The following SARNP variants were observed in gnomAD, a reference collection of about 807,000 sequenced individuals.
SARNP encodes SAP domain containing ribonucleoprotein.
SARNP carries 5 observed loss-of-function variants against 38.1 expected under a neutral mutation model. The observed-to-expected ratio is 0.13, with a 90% CI of 0.07 to 0.28. The LOEUF is 0.28. Among genes scored for constraint, SARNP ranks in the 10% least tolerant of loss-of-function variants. The pLI, the probability that SARNP is intolerant of heterozygous loss-of-function variation, is 1.00. For synonymous variants in SARNP, 84 were observed against 80.6 expected (o/e 1.04, Z -0.23); for missense variants, 180 against 243.9 (o/e 0.74, Z 1.75).
In SARNP at chr12:55,812,758, A is replaced by C. The variant is rs116274521; in HGVS notation, c.36+4908T>G. ...TTCTACTACATCCTAAATGTCTTTC[A>C]AATTCATTCCCATTCTTTTGAAGTC... On this transcript the variant is annotated intron_variant, in intron 1 of 10. Transcript: ENST00000336133. Among the ~76,000 whole-genome samples the C allele has an allele frequency of 3.2e-3, 483 of 152,352 alleles. 1 individual carries two copies. Among genetic ancestry groups the C allele is most frequent in the African/African-American group, 0.011 (447 of 41,576 alleles).
intron 1 of SARNP, among the ~76,000 whole-genome samples, chr12:55,811,002 G>A (rs1003490276): frequency 7.3e-5 from 11 of 151,652 alleles, no homozygotes; most frequent in Admixed American, 5.9e-4. Context: ...GCTTGAGCCC[G>A]GGAGGCAGAG....
chr12:55,770,135 C>G (rs1038036485), intron 9 of SARNP, among the ~76,000 whole-genome samples: 10 of 152,036 alleles, frequency 6.6e-5, no homozygotes, highest in African/African-American at 2.4e-4. Context: ...TAAGAACGTA[C>G]TCCTCTATAA....
At chr12:55,815,688 T>A (rs1454278311) in intron 1 of SARNP, among the ~76,000 whole-genome samples, 5 of 152,206 alleles carry the variant, frequency 3.3e-5, no homozygotes, top group East Asian at 1.9e-4. Context: ...GGTCTCGAAC[T>A]CCTGGCCTCA....
At chr12:55,789,602 C>T (rs1879603789) in intron 8 of SARNP, among the ~76,000 whole-genome samples, 1 of 152,142 alleles carries the variant, frequency 6.6e-6, no homozygotes, top group Non-Finnish European at 1.5e-5. Flanking sequence ...GATTCTCTTC[C>T]CTCCTCTTTC....
chr12:55,773,927 C>T (rs1380962285), intron 9 of SARNP, among the ~76,000 whole-genome samples: 4 of 152,026 alleles, frequency 2.6e-5, no homozygotes, highest in African/African-American at 7.2e-5. Flanking sequence ...AGGCTGGTCC[C>T]GAACTCCTGA....
At chr12:55,802,625 T>TTA (rs1357024255) in intron 2 of SARNP, among the ~76,000 whole-genome samples, 4 of 151,730 alleles carry the variant, frequency 2.6e-5, no homozygotes, top group Non-Finnish European at 4.4e-5. Flanking sequence ...AGATATCTCA[T>TTA]TATATATATA....
At chr12:55,812,762 T>C (rs1190872804) in intron 1 of SARNP, among the ~76,000 whole-genome samples, 1 of 152,264 alleles carries the variant, frequency 6.6e-6, no homozygotes, top group African/African-American at 2.4e-5. Context: ...TCTTTCAAAT[T>C]CATTCCCATT....
intron 9 of SARNP, 92 bp downstream of exon 9, chr12:55,788,983 C>T (rs780937025): frequency 9.8e-5 from 79 of 804,482 alleles, no homozygotes; most frequent in Non-Finnish European, 1.5e-4. Flanking sequence ...TTGTAGCCAG[C>T]TACATTCTCA....
At chr12:55,786,974 T>C (rs1565677076) in intron 9 of SARNP, among the ~76,000 whole-genome samples, 1 of 151,998 alleles carries the variant, frequency 6.6e-6, no homozygotes, top group South Asian at 2.1e-4. Flanking sequence ...CTCACACCTA[T>C]AGTCCGGCAC....
intron 9 of SARNP, among the ~76,000 whole-genome samples, chr12:55,787,392 T>C (rs996430686): frequency 2.0e-5 from 3 of 152,246 alleles, no homozygotes; most frequent in Non-Finnish European, 1.5e-5. Flanking sequence ...TTTCTTCCAA[T>C]GGCTTTCTAG....
At chr12:55,808,728 T>G (rs1008727576) in intron 1 of SARNP, among the ~76,000 whole-genome samples, 5 of 151,336 alleles carry the variant, frequency 3.3e-5, no homozygotes, top group Non-Finnish European at 7.4e-5. Context: ...ACCACTGTAC[T>G]CCAGCCTGGG....
intron 9 of SARNP, among the ~76,000 whole-genome samples, chr12:55,781,529 G>A (rs1414660650): frequency 3.0e-5 from 4 of 132,098 alleles, no homozygotes; most frequent in South Asian, 2.4e-4. Flanking sequence ...GCGAAACTCC[G>A]TCTCAAAAAA....
chr12:55,767,877 T>TACAC (rs900157714), intron 9 of SARNP, among the ~76,000 whole-genome samples: 3 of 127,506 alleles, frequency 2.4e-5, no homozygotes, highest in South Asian at 4.9e-4. Context: ...AAAAAGGATA[T>TACAC]ACACACACAC....
chr12:55,808,482 A>T (rs541373249), intron 1 of SARNP, among the ~76,000 whole-genome samples: 3 of 152,228 alleles, frequency 2.0e-5, no homozygotes, highest in African/African-American at 7.2e-5. Flanking sequence ...TGCCTGGCTA[A>T]TTTAGTGTTT....
intron 1 of SARNP, among the ~76,000 whole-genome samples, chr12:55,807,773 C>T (rs889222501): frequency 1.1e-4 from 16 of 149,084 alleles, no homozygotes; most frequent in Admixed American, 1.1e-3. Flanking sequence ...GAGATCGTGC[C>T]ACTGTACTTC....
chr12:55,766,009 A>G (rs1327830599), intron 9 of SARNP, among the ~76,000 whole-genome samples: 1 of 152,130 alleles, frequency 6.6e-6, no homozygotes. Flanking sequence ...GGTGAACCCC[A>G]TCTGAGGGAA....
At chr12:55,786,422 A>C (rs529304211) in intron 9 of SARNP, among the ~76,000 whole-genome samples, 2 of 148,486 alleles carry the variant, frequency 1.3e-5, no homozygotes, top group African/African-American at 5.0e-5. Context: ...ATGGCACAAC[A>C]CAAGTGAGCT....
At chr12:55,765,755 T>C (rs566464425) in intron 9 of SARNP, among the ~76,000 whole-genome samples, 32 of 151,700 alleles carry the variant, frequency 2.1e-4, no homozygotes, top group Middle Eastern at 3.4e-3. Context: ...AATACATCGT[T>C]CCCCCAACCC....
chr12:55,778,580 G>A (rs1379207946), intron 9 of SARNP, among the ~76,000 whole-genome samples: 3 of 152,128 alleles, frequency 2.0e-5, no homozygotes, highest in Non-Finnish European at 2.9e-5. Flanking sequence ...AGGATTACAC[G>A]TTGTATCTCT....
Sources: allele counts gnomAD v4.1 joint callset (sites outside exome capture counted in the v4.1 genomes callset), GRCh38; gene constraint gnomAD v4.1.1; transcripts MANE v1.5; gene names NCBI Gene and HGNC (gene_info 2026-07-23, HGNC 2026-07-21).